PIP5K1B: variants seen among roughly 807,000 people sequenced by gnomAD.
PIP5K1B encodes the protein phosphatidylinositol 4-phosphate 5-kinase type-1 beta.
In PIP5K1B, 42 loss-of-function variants were observed where a neutral mutation model predicts 67.0. That is an observed-to-expected ratio of 0.63 (90% CI 0.49 to 0.81). The LOEUF is 0.81. Among genes scored for constraint, PIP5K1B ranks in the 30% least tolerant of loss-of-function variants. PIP5K1B has a pLI of 0.00. For synonymous variants in PIP5K1B, 214 were observed against 231.4 expected (o/e 0.92, Z 0.68); for missense variants, 459 against 646.3 (o/e 0.71, Z 3.14).
chr9:68,842,906 T>C (rs147939415), intron 4 of PIP5K1B, among the ~76,000 whole-genome samples: 52 of 152,338 alleles, frequency 3.4e-4, no homozygotes, highest in African/African-American at 1.1e-3. Flanking sequence ...GCTTGGCTTG[T>C]GGAATAAACA....
intron 7 of PIP5K1B, among the ~76,000 whole-genome samples, chr9:68,892,890 T>G (rs1824869932): frequency 6.6e-6 from 1 of 152,060 alleles, no homozygotes; most frequent in Non-Finnish European, 1.5e-5. Flanking sequence ...GGCCGACATA[T>G]AGTGAAACCC....
chr9:68,882,831 C>T (rs1048904850), intron 6 of PIP5K1B, among the ~76,000 whole-genome samples: 27 of 152,240 alleles, frequency 1.8e-4, no homozygotes, highest in African/African-American at 5.1e-4. Flanking sequence ...GTCCCAAATT[C>T]GTGAGTAAAT....
At chr9:68,872,060 A>C (rs987847395) in intron 5 of PIP5K1B, among the ~76,000 whole-genome samples, 4 of 152,216 alleles carry the variant, frequency 2.6e-5, no homozygotes, top group African/African-American at 4.8e-5. Context: ...GTCTCAAGCA[A>C]GGAAAGCCTG....
At chr9:68,925,963 G>A (rs1277019459) in intron 12 of PIP5K1B, among the ~76,000 whole-genome samples, 2 of 151,170 alleles carry the variant, frequency 1.3e-5, no homozygotes, top group Admixed American at 1.3e-4. Flanking sequence ...ACACCCAGCT[G>A]GTTTTTGCTT....
In PIP5K1B at chr9:68,920,359, C is replaced by T. The variant is rs1463775537; in HGVS notation, c.1116+630C>T. On this transcript the variant is annotated intron_variant, in intron 11 of 15. Coordinates refer to ENST00000265382, the MANE Select transcript of PIP5K1B (RefSeq NM_003558.4). ...ATACATGCTGGCTGCCTGAGGTTGT[C>T]TTTTTTTTTTTTTTTTTTTTTTTTT... Among the ~76,000 whole-genome samples the T allele has an allele frequency of 1.0e-3, 103 of 98,258 alleles. 22 individuals are homozygous for T. The highest frequency in any genetic ancestry group is 1.2e-3 in the African/African-American group (33 of 27,464). The allele number at this position is 98,258 out of a possible 152,430, so 64.5% of individuals were successfully genotyped here.
Position 68,998,298 on chromosome 9 carries a change from G to A in PIP5K1B, c.1620+7041G>A, listed in dbSNP as rs574866720. ...CCTCGAATTCGACCTCAAGCGATCC[G>A]CCCACCTCGGCCTCCCAAATTGGGA... On this transcript the variant is annotated intron_variant, in intron 15 of 15. Transcript: ENST00000265382. Among the ~76,000 whole-genome samples the A allele has an allele frequency of 1.6e-3, 242 of 152,104 alleles. 2 individuals carry two copies. Among genetic ancestry groups the A allele is most frequent in the South Asian group, 2.1e-3 (10 of 4,816 alleles).
At chr9:68,915,196 T>C (rs1016686234) in intron 8 of PIP5K1B, among the ~76,000 whole-genome samples, 21 of 152,146 alleles carry the variant, frequency 1.4e-4, no homozygotes, top group Non-Finnish European at 1.5e-5. Context: ...GAGTCCATGC[T>C]CTTCATCCCT....
chr9:68,790,749 A>T (rs1354140380), intron 2 of PIP5K1B, among the ~76,000 whole-genome samples: 4 of 152,162 alleles, frequency 2.6e-5, no homozygotes, highest in Non-Finnish European at 4.4e-5. Context: ...TTTGTAAATG[A>T]TACTGAACTA....
intron 8 of PIP5K1B, among the ~76,000 whole-genome samples, chr9:68,909,166 G>T (rs754608570): frequency 2.0e-5 from 3 of 152,162 alleles, no homozygotes; most frequent in South Asian, 2.1e-4. Flanking sequence ...AAAATAGCAC[G>T]CTAAACTTTA....
intron 4 of PIP5K1B, among the ~76,000 whole-genome samples, chr9:68,859,383 A>T (rs1216363410): frequency 6.6e-6 from 1 of 152,228 alleles, no homozygotes; most frequent in Non-Finnish European, 1.5e-5. Context: ...TTCTCCAAGT[A>T]TCAAATGCTT....
intron 2 of PIP5K1B, among the ~76,000 whole-genome samples, chr9:68,745,912 A>G (rs1238589321): frequency 6.6e-6 from 1 of 152,172 alleles, no homozygotes; most frequent in East Asian, 1.9e-4. Context: ...TTACTCTCAC[A>G]TCAAATGGTA....
intron 1 of PIP5K1B, among the ~76,000 whole-genome samples, chr9:68,737,356 G>GAGCT (rs946890099): frequency 1.3e-5 from 2 of 152,180 alleles, no homozygotes; most frequent in Non-Finnish European, 2.9e-5. Context: ...GTTGTATCTG[G>GAGCT]AGCTAGAAGA....
chr9:68,780,127 C>A, intron 2 of PIP5K1B: 2 of 1,506,706 alleles, frequency 1.3e-6, no homozygotes, highest in African/African-American at 1.4e-5. Context: ...AATCCTAGGT[C>A]CCTGACTGAG....
intron 14 of PIP5K1B, among the ~76,000 whole-genome samples, chr9:68,988,630 T>C (rs1830208271): frequency 6.6e-6 from 1 of 152,016 alleles, no homozygotes; most frequent in African/African-American, 2.4e-5. Context: ...TTTGTATTTT[T>C]AGTAGTGACA....
chr9:68,845,009 T>A (rs1303604636), intron 4 of PIP5K1B, among the ~76,000 whole-genome samples: 2 of 152,158 alleles, frequency 1.3e-5, no homozygotes, highest in Non-Finnish European at 2.9e-5. Context: ...ACAAAACAAG[T>A]GGCTTCCAGT....
At chr9:68,930,588 G>T (rs1008333881) in intron 12 of PIP5K1B, among the ~76,000 whole-genome samples, 5 of 151,806 alleles carry the variant, frequency 3.3e-5, no homozygotes, top group African/African-American at 1.2e-4. Context: ...TGGTTTGCAG[G>T]TTTTATTATT....
chr9:68,765,237 T>C (rs1233510374), intron 2 of PIP5K1B, among the ~76,000 whole-genome samples: 1 of 152,154 alleles, frequency 6.6e-6, no homozygotes, highest in Admixed American at 6.5e-5. Context: ...ACATTATAGA[T>C]GTTGGCATTG....
intron 2 of PIP5K1B, chr9:68,780,095 G>A: frequency 1.6e-5 from 23 of 1,410,880 alleles, no homozygotes; most frequent in Middle Eastern, 2.7e-4. Context: ...AGCGGCGGCG[G>A]CCCTGGACTG....
chr9:68,972,876 A>G lies in PIP5K1B; in HGVS notation c.1503-18264A>G, dbSNP rs541184059. Among the ~76,000 whole-genome samples, 246 of 152,306 alleles carry G rather than the reference A, an allele frequency of 1.6e-3. 1 individual carries two copies. Among genetic ancestry groups the G allele is most frequent in the African/African-American group, 5.7e-3 (237 of 41,574 alleles). On this transcript the variant is annotated intron_variant, in intron 14 of 15. Transcript: ENST00000265382. ...CAGTCAGCCTCACTGAATTCTCCCA[A>G]ATGCTCCAGGGACCAGGAGACAATG... is the stretch of plus-strand genomic sequence containing the variant.
Sources: allele counts gnomAD v4.1 joint callset (sites outside exome capture counted in the v4.1 genomes callset), GRCh38; gene constraint gnomAD v4.1.1; transcripts MANE v1.5; gene names NCBI Gene and HGNC (gene_info 2026-07-23, HGNC 2026-07-21).